BMPR1B: variants seen among roughly 807,000 people sequenced by gnomAD.
BMPR1B encodes the protein bone morphogenetic protein receptor type-1B.
A neutral mutation model predicts 59.1 loss-of-function variants in BMPR1B; 12 were observed. That is an observed-to-expected ratio of 0.20 (90% CI 0.13 to 0.33). The LOEUF (loss-of-function observed/expected upper bound fraction) is 0.33, where lower values mean the gene tolerates loss of function less well. Among genes scored for constraint, BMPR1B ranks in the 10% least tolerant of loss-of-function variants. The probability of loss-of-function intolerance (pLI) is 1.00; values close to 1 mark genes in which losing one functional copy is unlikely to be tolerated. For missense variants in BMPR1B, 550 were observed against 610.9 expected (o/e 0.90, Z 1.05); for synonymous variants, 237 against 207.3 (o/e 1.14, Z -1.23).
At chr4:94,850,607 T>C (rs1305858323) in intron 1 of BMPR1B, among the ~76,000 whole-genome samples, 1 of 152,158 alleles carries the variant, frequency 6.6e-6, no homozygotes, top group African/African-American at 2.4e-5. Context: ...AGAAAATCTT[T>C]TTCCCATTGA....
intron 3 of BMPR1B, among the ~76,000 whole-genome samples, chr4:95,008,523 A>AT (rs1458724924): frequency 6.6e-6 from 1 of 152,188 alleles, no homozygotes. Flanking sequence ...GCAGAAGCAA[A>AT]TTCTGTATAG....
chr4:94,823,895 C>T (rs971785275), intron 1 of BMPR1B, among the ~76,000 whole-genome samples: 1 of 152,032 alleles, frequency 6.6e-6, no homozygotes, highest in African/African-American at 2.4e-5. Context: ...CTACAGGTGC[C>T]TGCCACCACG....
chr4:94,864,198 GA>G (rs1726112444), intron 1 of BMPR1B, among the ~76,000 whole-genome samples: 1 of 151,926 alleles, frequency 6.6e-6, no homozygotes, highest in Admixed American at 6.6e-5. Context: ...CTTGAGCTTC[GA>G]CCAGTATAAT....
intron 1 of BMPR1B, among the ~76,000 whole-genome samples, chr4:94,775,546 G>T (rs1722333882): frequency 6.6e-6 from 1 of 152,114 alleles, no homozygotes; most frequent in African/African-American, 2.4e-5. Flanking sequence ...GAAATAAGAG[G>T]ATAAATTTTA....
chr4:94,881,606 C>T (rs1726975800), intron 2 of BMPR1B, among the ~76,000 whole-genome samples: 1 of 151,988 alleles, frequency 6.6e-6, no homozygotes, highest in Admixed American at 6.6e-5. Flanking sequence ...GCTGGGAGTA[C>T]AGGTGTGCAC....
In BMPR1B at chr4:95,130,153, G is replaced by A. The variant is rs17023081; in HGVS notation, c.778+99G>A. On this transcript the variant is annotated intron_variant, in intron 9 of 12. Coordinates refer to ENST00000515059, the MANE Select transcript of BMPR1B (RefSeq NM_001203.3). Reference sequence around the variant, plus strand: ...TAACTCATCTGTCTAGACCCGTTGCGAAATGTATTGAAGTTTTCTTCTTGG... The same window carrying A: ...TAACTCATCTGTCTAGACCCGTTGCAAAATGTATTGAAGTTTTCTTCTTGG... 0.02 allele frequency: 28,092 copies of A among 1,400,786 alleles called. 344 individuals are homozygous for A. Among genetic ancestry groups the A allele is most frequent in the Middle Eastern group, 0.034 (144 of 4,236 alleles). 86.8% of individuals were successfully genotyped at this position (1,400,786 alleles called of 1,614,324 possible).
intron 2 of BMPR1B, among the ~76,000 whole-genome samples, chr4:94,911,580 A>T (rs573417266): frequency 9.9e-5 from 15 of 152,228 alleles, no homozygotes; most frequent in Admixed American, 8.5e-4. Flanking sequence ...AATTCAGAAA[A>T]TTTTACTGAC....
At chr4:94,782,766 C>T (rs1439438715) in intron 1 of BMPR1B, among the ~76,000 whole-genome samples, 3 of 152,098 alleles carry the variant, frequency 2.0e-5, no homozygotes, top group Non-Finnish European at 4.4e-5. Context: ...ACTTTGAAAG[C>T]TTTGTTTGTC....
chr4:94,958,420 A>G lies in BMPR1B; in HGVS notation c.-112-37620A>G, dbSNP rs530281384. Among the ~76,000 whole-genome samples, 21 of 152,304 alleles carry G rather than the reference A, an allele frequency of 1.4e-4. 1 individual carries two copies. The South Asian group carries it at 4.4e-3, about 32-fold the overall frequency. ...TCTGGAGGCTGGAAGTCCAAGAACA[A>G]GATGTCCATAGGGTTGGGTTCTTGT... On this transcript the variant is annotated intron_variant, in intron 2 of 12. Transcript: ENST00000515059.
At chr4:95,049,154 C>A (rs1726249380) in intron 3 of BMPR1B, among the ~76,000 whole-genome samples, 1 of 152,042 alleles carries the variant, frequency 6.6e-6, no homozygotes, top group African/African-American at 2.4e-5. Context: ...TGCTCTGTCA[C>A]CCAGGCATGA....
chr4:94,842,599 A>G (rs553922209), intron 1 of BMPR1B, among the ~76,000 whole-genome samples: 1 of 152,220 alleles, frequency 6.6e-6, no homozygotes, highest in East Asian at 1.9e-4. Context: ...TCTATTGCCC[A>G]GGCTGGAATG....
chr4:94,862,813 C>T (rs969706400), intron 1 of BMPR1B, among the ~76,000 whole-genome samples: 15 of 151,834 alleles, frequency 9.9e-5, no homozygotes, highest in African/African-American at 3.1e-4. Flanking sequence ...GGCGTGGTTG[C>T]GGGCACCTGT....
chr4:95,050,058 G>A (rs1048945319), intron 3 of BMPR1B, among the ~76,000 whole-genome samples: 5 of 152,034 alleles, frequency 3.3e-5, no homozygotes, highest in Admixed American at 2.0e-4. Flanking sequence ...AGAGCTCAAG[G>A]CTGGATTCCA....
intron 1 of BMPR1B, among the ~76,000 whole-genome samples, chr4:94,859,391 C>CA (rs1725892641): frequency 6.6e-6 from 1 of 152,128 alleles, no homozygotes; most frequent in Non-Finnish European, 1.5e-5. Context: ...AAGATTACAG[C>CA]ACGCAATACC....
intron 6 of BMPR1B, among the ~76,000 whole-genome samples, chr4:95,116,717 C>A (rs1732096447): frequency 6.6e-6 from 1 of 151,642 alleles, no homozygotes; most frequent in South Asian, 2.1e-4. Context: ...TGGGCTCAGG[C>A]AGTCCTCCCA....
chr4:94,966,811 TATTAG>T (rs1730572784), intron 2 of BMPR1B, among the ~76,000 whole-genome samples: 1 of 152,198 alleles, frequency 6.6e-6, no homozygotes, highest in South Asian at 2.1e-4. Flanking sequence ...TGATGACTAA[TATTAG>T]GTTATTTGAA....
chr4:95,048,359 T>A lies in BMPR1B; in HGVS notation c.-18+52225T>A, dbSNP rs181875244. Among the ~76,000 whole-genome samples the A allele has an allele frequency of 7.9e-5, 12 of 152,332 alleles. No homozygotes were observed. In the East Asian group the frequency reaches 2.3e-3, roughly 29 times the overall value. On this transcript the variant is annotated intron_variant, in intron 3 of 12. Coordinates refer to ENST00000515059, the MANE Select transcript of BMPR1B (RefSeq NM_001203.3). Reference sequence around the variant, plus strand: ...TGGTAGTTGGTAGTACTGTTTTAACTTGTTTGAGAAATCTCCAAACTGCTT... The same window carrying A: ...TGGTAGTTGGTAGTACTGTTTTAACATGTTTGAGAAATCTCCAAACTGCTT...
chr4:94,919,012 G>A (rs1418048978), intron 2 of BMPR1B, among the ~76,000 whole-genome samples: 1 of 152,102 alleles, frequency 6.6e-6, no homozygotes, highest in Admixed American at 6.6e-5. Context: ...TGGGTCACAT[G>A]TAGGTATTTA....
intron 2 of BMPR1B, among the ~76,000 whole-genome samples, chr4:94,992,396 A>G (rs999200352): frequency 3.9e-5 from 6 of 152,210 alleles, no homozygotes; most frequent in Non-Finnish European, 8.8e-5. Flanking sequence ...TGACTGCTAT[A>G]AAGGCTTTAT....
Sources: gnomAD v4.1 joint callset for allele counts (sites outside exome capture counted in the v4.1 genomes callset) on GRCh38, gnomAD v4.1.1 for gene constraint, MANE v1.5 for transcripts, NCBI Gene and HGNC (gene_info 2026-07-23, HGNC 2026-07-21) for gene names.